The following GALNT13 variants were observed in gnomAD, a reference collection of about 807,000 sequenced individuals.
GALNT13 encodes polypeptide N-acetylgalactosaminyltransferase 13.
In GALNT13, 28 loss-of-function variants were observed where a neutral mutation model predicts 64.2. That is an observed-to-expected ratio of 0.44 (90% CI 0.32 to 0.60). The LOEUF (loss-of-function observed/expected upper bound fraction) is 0.60, where lower values mean the gene tolerates loss of function less well. Among genes scored for constraint, GALNT13 ranks in the 20% least tolerant of loss-of-function variants. The probability of loss-of-function intolerance (pLI) is 0.05; values close to 1 mark genes in which losing one functional copy is unlikely to be tolerated. For missense variants in GALNT13, 577 were observed against 669.8 expected (o/e 0.86, Z 1.53); for synonymous variants, 214 against 224.6 (o/e 0.95, Z 0.42).
the GALNT13 span, among the ~76,000 whole-genome samples, chr2:153,087,046 C>A: frequency 3.3e-5 from 5 of 152,136 alleles, no homozygotes; most frequent in East Asian, 7.7e-4. Flanking sequence ...AAGCGGGCAT[C>A]CATGTCTTGT....
At chr2:154,437,630 G>A (rs1264855518) in intron 11 of GALNT13, 1 of 757,708 alleles carries the variant, frequency 1.3e-6, no homozygotes, top group South Asian at 1.4e-5. Flanking sequence ...GCCGAGGCAG[G>A]TGGATCATGA....
chr2:153,499,611 C>T, the GALNT13 span, among the ~76,000 whole-genome samples: 1 of 152,176 alleles, frequency 6.6e-6, no homozygotes, highest in Non-Finnish European at 1.5e-5. Flanking sequence ...TGTGCCAAGC[C>T]ACCCTACACT....
At chr2:153,443,384 T>C in the GALNT13 span, among the ~76,000 whole-genome samples, 1 of 152,202 alleles carries the variant, frequency 6.6e-6, no homozygotes, top group Non-Finnish European at 1.5e-5. Flanking sequence ...GCACCCAGTG[T>C]CTAGCCAGTC....
chr2:154,078,216 T>A (rs188062856), intron 3 of GALNT13, among the ~76,000 whole-genome samples: 29 of 151,728 alleles, frequency 1.9e-4, no homozygotes, highest in Non-Finnish European at 1.2e-4. Context: ...TCATAGCACG[T>A]AATTTCATTT....
downstream of GALNT13, among the ~76,000 whole-genome samples, chr2:154,455,778 C>G (rs962997457): frequency 1.3e-5 from 2 of 152,156 alleles, no homozygotes; most frequent in African/African-American, 4.8e-5. Flanking sequence ...ACAATTTTCA[C>G]TGTATTTGTT....
chr2:153,628,632 A>G, the GALNT13 span, among the ~76,000 whole-genome samples: 4 of 152,190 alleles, frequency 2.6e-5, no homozygotes, highest in African/African-American at 4.8e-5. Flanking sequence ...GGTTCTGTTC[A>G]TATGCTGGAT....
At chr2:153,758,888 G>A in the GALNT13 span, among the ~76,000 whole-genome samples, 7 of 152,140 alleles carry the variant, frequency 4.6e-5, no homozygotes, top group African/African-American at 1.4e-4. Context: ...CACCACAGCT[G>A]GCTAATAGTG....
chr2:154,359,323 TC>T (rs1194528991), intron 9 of GALNT13, among the ~76,000 whole-genome samples: 2 of 152,010 alleles, frequency 1.3e-5, no homozygotes, highest in South Asian at 2.1e-4. Flanking sequence ...AAATATATAC[TC>T]CAAGTTCAAA....
At chr2:154,235,422 A>G (rs1047858156) in intron 4 of GALNT13, among the ~76,000 whole-genome samples, 3 of 152,176 alleles carry the variant, frequency 2.0e-5, no homozygotes, top group African/African-American at 7.2e-5. Flanking sequence ...CTCAATTATT[A>G]TGAAACAATC....
At chr2:153,367,018 A>AAC in the GALNT13 span, among the ~76,000 whole-genome samples, 18 of 151,064 alleles carry the variant, frequency 1.2e-4, no homozygotes, top group African/African-American at 3.6e-4. Context: ...CAAACAAACA[A>AAC]AAAAAAAACA....
intron 9 of GALNT13, among the ~76,000 whole-genome samples, chr2:154,373,393 T>G (rs1574185904): frequency 6.6e-6 from 1 of 152,210 alleles, no homozygotes; most frequent in Non-Finnish European, 1.5e-5. Flanking sequence ...TCCTTCATCT[T>G]TGATTCTGAC....
At chr2:153,752,996 A>T in the GALNT13 span, among the ~76,000 whole-genome samples, 1 of 152,218 alleles carries the variant, frequency 6.6e-6, no homozygotes, top group East Asian at 1.9e-4. Flanking sequence ...AAGCTCATTA[A>T]TTCTTTCTAC....
At chr2:153,728,989 GTAAT>G in the GALNT13 span, among the ~76,000 whole-genome samples, 2 of 152,080 alleles carry the variant, frequency 1.3e-5, no homozygotes, top group African/African-American at 4.8e-5. Flanking sequence ...AATTGAGGCA[GTAAT>G]TAATAGTGTA....
intron 3 of GALNT13, among the ~76,000 whole-genome samples, chr2:153,989,154 A>G (rs542805969): frequency 1.3e-5 from 2 of 152,066 alleles, no homozygotes; most frequent in Non-Finnish European, 2.9e-5. Context: ...ATGATATAAA[A>G]TTGAGTAAAG....
At chr2:154,305,526 A>T (rs1693684070) in intron 9 of GALNT13, among the ~76,000 whole-genome samples, 1 of 152,074 alleles carries the variant, frequency 6.6e-6, no homozygotes, top group South Asian at 2.1e-4. Context: ...ATATTTGTTA[A>T]TTTTTCCAAT....
chr2:153,360,742 G>A, the GALNT13 span, among the ~76,000 whole-genome samples: 3 of 152,178 alleles, frequency 2.0e-5, no homozygotes, highest in African/African-American at 7.2e-5. Context: ...CCCCTAGGGG[G>A]AGGGGTGGCC....
At chr2:153,110,665 T>C in the GALNT13 span, among the ~76,000 whole-genome samples, 4 of 152,204 alleles carry the variant, frequency 2.6e-5, no homozygotes, top group African/African-American at 9.6e-5. Flanking sequence ...AGGACCAGAC[T>C]GGTCTCTGGG....
intron 9 of GALNT13, among the ~76,000 whole-genome samples, chr2:154,306,623 G>GGC (rs1553512840): frequency 6.7e-6 from 1 of 149,832 alleles, no homozygotes; most frequent in Admixed American, 6.7e-5. Flanking sequence ...TTTGGTGGGG[G>GGC]GGGGGTCAAG....
chr2:154,216,968 A>G (rs866291921), intron 4 of GALNT13, among the ~76,000 whole-genome samples: 7 of 142,894 alleles, frequency 4.9e-5, no homozygotes, highest in Non-Finnish European at 1.1e-4. Flanking sequence ...TTTTTTTTTT[A>G]TTTTTTTAGA....
Sources: allele counts gnomAD v4.1 joint callset (sites outside exome capture counted in the v4.1 genomes callset), GRCh38; gene constraint gnomAD v4.1.1; transcripts MANE v1.5; gene names NCBI Gene and HGNC (gene_info 2026-07-23, HGNC 2026-07-21).